Variants in BEST3 observed in about 807,000 individuals in gnomAD.
BEST3 encodes bestrophin-3.
Under a neutral mutation model 47.1 loss-of-function variants are expected in BEST3, and 50 were observed. That is an observed-to-expected ratio of 1.06 (90% CI 0.85 to 1.34). The LOEUF (loss-of-function observed/expected upper bound fraction) is 1.34, where lower values mean the gene tolerates loss of function less well. Ranked by LOEUF, BEST3 falls within the 40% of genes most tolerant of loss-of-function variation. BEST3 has a pLI of 0.00. For missense variants in BEST3, 765 were observed against 817.0 expected, an observed-to-expected ratio of 0.94 and a Z score of 0.78; for synonymous variants, 282 against 298.8, an observed-to-expected ratio of 0.94 and a Z score of 0.58.
intron 4 of BEST3, among the ~76,000 whole-genome samples, chr12:69,680,310 C>CTTCTTTTTTTTTTTTTTTTTT (rs763385722): frequency 0.03 from 2,808 of 94,548 alleles, 477 homozygotes; most frequent in Middle Eastern, 0.059. Flanking sequence ...TACACTTGAT[C>CTTCTTTTTTTTTTTTTTTTTT]TTTTTTTTTT....
At chr12:69,668,935 T>C (rs1884396847) in intron 9 of BEST3, among the ~76,000 whole-genome samples, 1 of 152,048 alleles carries the variant, frequency 6.6e-6, no homozygotes, top group African/African-American at 2.4e-5. Context: ...ATTTTTGCCC[T>C]CAGGATGGGA....
chr12:69,655,099 G>C lies in BEST3; in HGVS notation c.1815C>G (p.Asn605Lys). The C allele has an allele frequency of 6.2e-7, 1 of 1,614,164 alleles. No individual in the cohort carries two copies. Residue 605 changes from asparagine to lysine, a missense_variant, in exon 10 of 10, where the codon AAC becomes AAG. Asn to Lys is a moderately conservative substitution (Grantham distance 94, BLOSUM62 0). Transcript: ENST00000330891. ...FLGSSHTSLG[N>K]LSPDPMSSQP... ...GAGAGCTCATGGGGTCTGGACTTAGGTTTCCCAGGGAAGTGTGGCTGGACC... is the reference window on the plus strand; with the variant it reads ...GAGAGCTCATGGGGTCTGGACTTAGCTTTCCCAGGGAAGTGTGGCTGGACC...
intron 4 of BEST3, among the ~76,000 whole-genome samples, chr12:69,691,807 G>T (rs1489818471): frequency 6.6e-6 from 1 of 152,070 alleles, no homozygotes; most frequent in Admixed American, 6.6e-5. Flanking sequence ...AATATTCTTT[G>T]CAGGCCTGGT....
chr12:69,681,380 G>A (rs1429638981), intron 4 of BEST3, among the ~76,000 whole-genome samples: 1 of 152,098 alleles, frequency 6.6e-6, no homozygotes, highest in East Asian at 1.9e-4. Context: ...ACTTTGGGAG[G>A]CCCAGGCAGG....
chr12:69,668,951 T>C (rs767463413), intron 9 of BEST3, among the ~76,000 whole-genome samples: 3 of 152,100 alleles, frequency 2.0e-5, no homozygotes, highest in Non-Finnish European at 4.4e-5. Flanking sequence ...TGGGAGAGCC[T>C]GCCTGAAACC....
chr12:69,647,576 TTTA>T (rs1374413246), intron 9 of BEST3, among the ~76,000 whole-genome samples: 3 of 152,142 alleles, frequency 2.0e-5, no homozygotes, highest in African/African-American at 7.2e-5. Flanking sequence ...TGAAAGGTTG[TTTA>T]GTAGATGGGG....
intron 8 of BEST3, among the ~76,000 whole-genome samples, chr12:69,672,393 G>A (rs1184167058): frequency 6.6e-6 from 1 of 152,208 alleles, no homozygotes; most frequent in Admixed American, 6.5e-5. Flanking sequence ...TAAGTGCCCT[G>A]GGGCCCATTT....
chr12:69,690,479 G>A (rs1055653126), intron 4 of BEST3, among the ~76,000 whole-genome samples: 21 of 152,150 alleles, frequency 1.4e-4, no homozygotes, highest in Admixed American at 2.6e-4. Flanking sequence ...CTCAGTCCTC[G>A]GAGCTCATGT....
chr12:69,684,971 G>C (rs1885478185), intron 4 of BEST3, among the ~76,000 whole-genome samples: 1 of 141,252 alleles, frequency 7.1e-6, no homozygotes, highest in South Asian at 2.4e-4. Flanking sequence ...CACATGATGT[G>C]CTTTCTGCTG....
chr12:69,678,154 G>A (rs1185396768), intron 5 of BEST3, among the ~76,000 whole-genome samples: 1 of 152,062 alleles, frequency 6.6e-6, no homozygotes, highest in South Asian at 2.1e-4. Context: ...CAATTTGGGC[G>A]CTATTTTTAA....
At chr12:69,667,777 AG>A (rs1302683835) in intron 9 of BEST3, among the ~76,000 whole-genome samples, 1 of 151,968 alleles carries the variant, frequency 6.6e-6, no homozygotes, top group Non-Finnish European at 1.5e-5. Context: ...TGAGCTTGGG[AG>A]GTGTTTTTTT....
At chr12:69,650,789 G>T (rs1490201587), downstream of BEST3, among the ~76,000 whole-genome samples, 1 of 152,166 alleles carries the variant, frequency 6.6e-6, no homozygotes, top group Admixed American at 6.6e-5. Context: ...CATTGCCATG[G>T]TGATGAGGCC....
At chr12:69,670,243 A>G (rs1704999476) in intron 9 of BEST3, 1 of 538,138 alleles carries the variant, frequency 1.9e-6, no homozygotes, top group South Asian at 2.5e-5. Flanking sequence ...GAAACTGAGA[A>G]TACACTGAGG....
chr12:69,670,756 C>T (rs1169948173), intron 9 of BEST3, among the ~76,000 whole-genome samples: 1 of 149,140 alleles, frequency 6.7e-6, no homozygotes, highest in Non-Finnish European at 1.5e-5. Context: ...TCCCCTTTTG[C>T]TACAGTTTTT....
rs1884963863 is a variant in BEST3 at position 69,676,989 on chromosome 12, G to A, written c.794C>T (p.Ala265Val). 1 of 1,613,976 alleles carries A rather than the reference G, an allele frequency of 6.2e-7. No individual in the cohort carries two copies. The highest frequency in any genetic ancestry group is 1.7e-5 in the Admixed American group (1 of 59,998). The change falls in exon 7 of 10, where the codon GCA becomes GTA. Residue 265 changes from alanine (A) to valine (V), a missense_variant. Physicochemically the swap from Ala to Val is moderately conservative, Grantham distance 64. Coordinates refer to ENST00000330891, the MANE Select transcript of BEST3 (RefSeq NM_032735.3). Reference protein sequence around the residue: ...RQFLDPTKGYAGHDLDLYIPI... With the variant: ...RQFLDPTKGYVGHDLDLYIPI... Reference sequence around the variant, plus strand: ...AATGTAAAGATCCAAGTCATGCCCTGCGTAGCCTTTGGTGGGATCCAAAAA... The same window carrying A: ...AATGTAAAGATCCAAGTCATGCCCTACGTAGCCTTTGGTGGGATCCAAAAA...
chr12:69,693,525 A>C (rs953912745), intron 4 of BEST3, 149 bp downstream of exon 4: 1 of 680,692 alleles, frequency 1.5e-6, no homozygotes, highest in Non-Finnish European at 2.4e-6. Flanking sequence ...TCCACCTTCC[A>C]AAGTGCTGGG....
At chr12:69,679,761 T>C (rs1885128972) in intron 4 of BEST3, among the ~76,000 whole-genome samples, 1 of 152,142 alleles carries the variant, frequency 6.6e-6, no homozygotes, top group Admixed American at 6.5e-5. Flanking sequence ...CTGGGGAGGC[T>C]CAGGCATGAA....
At chr12:69,665,623 A>C (rs1884160700) in intron 9 of BEST3, among the ~76,000 whole-genome samples, 1 of 149,462 alleles carries the variant, frequency 6.7e-6, no homozygotes, top group African/African-American at 2.5e-5. Context: ...AAAAACAAAC[A>C]AAAAAAAAGG....
chr12:69,686,662 C>T (rs1487621584), intron 4 of BEST3, among the ~76,000 whole-genome samples: 4 of 150,714 alleles, frequency 2.7e-5, no homozygotes, highest in African/African-American at 7.3e-5. Flanking sequence ...ATCCCAGCTA[C>T]TTGGGCAGCT....
Sources: allele counts gnomAD v4.1 joint callset (sites outside exome capture counted in the v4.1 genomes callset), GRCh38; gene constraint gnomAD v4.1.1; transcripts MANE v1.5; gene names NCBI Gene and HGNC (gene_info 2026-07-23, HGNC 2026-07-21).